Variants in RAB7A observed in about 807,000 individuals in gnomAD.
RAB7A encodes the protein RAB7A, member RAS oncogene family, also known as ras-related protein Rab-7a.
In RAB7A, 2 loss-of-function variants were observed where a neutral mutation model predicts 24.5. That is an observed-to-expected ratio of 0.08 (90% confidence interval 0.03 to 0.26). The LOEUF is 0.26. Ranked by LOEUF, RAB7A falls within the 10% of genes least tolerant of loss-of-function variation. The probability of loss-of-function intolerance (pLI) is 1.00; values close to 1 mark genes in which losing one functional copy is unlikely to be tolerated. For missense variants in RAB7A, 118 were observed against 255.7 expected, an observed-to-expected ratio of 0.46 and a Z score of 3.67; for synonymous variants, 100 against 95.9, an observed-to-expected ratio of 1.04 and a Z score of -0.25.
chr3:128,767,193 T>C (rs2070840626), intron 1 of RAB7A, among the ~76,000 whole-genome samples: 1 of 152,216 alleles, frequency 6.6e-6, no homozygotes, highest in Non-Finnish European at 1.5e-5. Context: ...TGTTTGCAAC[T>C]AGTCTCCTGA....
Position 128,766,605 on chromosome 3 carries a change from A to G in RAB7A, c.-8-28755A>G, listed in dbSNP as rs561519390. ...TCGACACTGGCAGAGCAGATCCCAT[A>G]GGAATGGTCATACATTTTGGTTGGT... is the stretch of plus-strand genomic sequence containing the variant. On this transcript the variant is annotated intron_variant, in intron 1 of 5. Transcript: ENST00000265062. Among the ~76,000 whole-genome samples, 12 of 152,348 alleles carry G rather than the reference A, an allele frequency of 7.9e-5. No individual in the cohort carries two copies. In the South Asian group the frequency reaches 1.2e-3, roughly 16 times the overall value.
intron 1 of RAB7A, among the ~76,000 whole-genome samples, chr3:128,727,320 A>G (rs2070390623): frequency 6.6e-6 from 1 of 152,210 alleles, no homozygotes; most frequent in East Asian, 1.9e-4. Flanking sequence ...GCAGAGATGC[A>G]AGCCCAGGCA....
intron 1 of RAB7A, among the ~76,000 whole-genome samples, chr3:128,759,868 G>A (rs369894296): frequency 1.6e-4 from 25 of 152,124 alleles, no homozygotes; most frequent in East Asian, 1.2e-3. Flanking sequence ...GCACCACCAC[G>A]CCCGGCTAAT....
chr3:128,778,237 T>G (rs1336938144), intron 1 of RAB7A, among the ~76,000 whole-genome samples: 1 of 152,222 alleles, frequency 6.6e-6, no homozygotes, highest in Non-Finnish European at 1.5e-5. Flanking sequence ...CAATTTCCTT[T>G]AAATAGCCAC....
chr3:128,802,597 G>A (rs534606291), intron 3 of RAB7A, among the ~76,000 whole-genome samples: 2 of 146,164 alleles, frequency 1.4e-5, no homozygotes, highest in South Asian at 2.2e-4. Flanking sequence ...TGCAACCTCC[G>A]CCTCCTGGGT....
intron 2 of RAB7A, 75 bp from the exon 3 acceptor site, chr3:128,797,868 A>C: frequency 6.4e-7 from 1 of 1,552,872 alleles, no homozygotes; most frequent in Non-Finnish European, 8.9e-7. Flanking sequence ...GATTCTTTTA[A>C]ATGCTTCAAG....
At chr3:128,776,328 G>C (rs1933085740) in intron 1 of RAB7A, among the ~76,000 whole-genome samples, 1 of 151,758 alleles carries the variant, frequency 6.6e-6, no homozygotes, top group Non-Finnish European at 1.5e-5. Context: ...GGAGTACAGT[G>C]GTGCGAACAC....
At chr3:128,746,983 T>C (rs759445288) in intron 1 of RAB7A, among the ~76,000 whole-genome samples, 7 of 151,862 alleles carry the variant, frequency 4.6e-5, no homozygotes, top group Non-Finnish European at 8.8e-5. Flanking sequence ...TATACAATTA[T>C]GATTTGGTAA....
At chr3:128,756,484 ACAAAACATTG>A (rs2070730481) in intron 1 of RAB7A, among the ~76,000 whole-genome samples, 1 of 152,218 alleles carries the variant, frequency 6.6e-6, no homozygotes, top group South Asian at 2.1e-4. Context: ...ATAGAAAGCT[ACAAAACATTG>A]CAAAAAGAAA....
intron 1 of RAB7A, among the ~76,000 whole-genome samples, chr3:128,758,373 C>T (rs139894849): frequency 0.012 from 1,796 of 150,988 alleles, 32 homozygotes; most frequent in African/African-American, 0.039. Flanking sequence ...TCCAGGTTCA[C>T]GCCATTCTCC....
chr3:128,741,332 C>G (rs917694523), intron 1 of RAB7A, among the ~76,000 whole-genome samples: 7 of 152,048 alleles, frequency 4.6e-5, no homozygotes, highest in African/African-American at 1.7e-4. Flanking sequence ...TTCTGTGTTT[C>G]ATATTATGCT....
chr3:128,756,880 GT>G (rs2070733745), intron 1 of RAB7A, among the ~76,000 whole-genome samples: 1 of 147,372 alleles, frequency 6.8e-6, no homozygotes, highest in African/African-American at 2.5e-5. Context: ...GTTGCGCTCT[GT>G]CACCCACGCT....
chr3:128,753,852 T>C (rs960669385), intron 1 of RAB7A, among the ~76,000 whole-genome samples: 1 of 152,172 alleles, frequency 6.6e-6, no homozygotes, highest in African/African-American at 2.4e-5. Flanking sequence ...TTGCCCAGGC[T>C]GGTGTCAAAT....
chr3:128,744,527 A>G (rs998392319), intron 1 of RAB7A, among the ~76,000 whole-genome samples: 1 of 152,228 alleles, frequency 6.6e-6, no homozygotes, highest in East Asian at 1.9e-4. Context: ...ATCACAGTGG[A>G]AAGGCCACAC....
intron 1 of RAB7A, among the ~76,000 whole-genome samples, chr3:128,775,242 G>A (rs7644292): frequency 0.012 from 1,816 of 152,308 alleles, 33 homozygotes; most frequent in African/African-American, 0.039. Flanking sequence ...CACAGCTTGT[G>A]TTCAGATGGG....
At chr3:128,764,728 C>T (rs2070811808) in intron 1 of RAB7A, 4 of 800,196 alleles carry the variant, frequency 5.0e-6, no homozygotes, top group Admixed American at 3.4e-5. Flanking sequence ...TGCATTCAGC[C>T]CACTCTCCCA....
intron 1 of RAB7A, among the ~76,000 whole-genome samples, chr3:128,782,964 C>T (rs1933252325): frequency 6.6e-6 from 1 of 152,162 alleles, no homozygotes; most frequent in Non-Finnish European, 1.5e-5. Context: ...AAGAGAGTGT[C>T]TTGTGCTAAG....
At chr3:128,791,603 G>A (rs1179769251) in intron 1 of RAB7A, among the ~76,000 whole-genome samples, 1 of 152,212 alleles carries the variant, frequency 6.6e-6, no homozygotes, top group African/African-American at 2.4e-5. Flanking sequence ...TTCTGGGCAT[G>A]GTCCTTGTGG....
intron 1 of RAB7A, among the ~76,000 whole-genome samples, chr3:128,760,378 T>C (rs2107595872): frequency 6.6e-6 from 1 of 152,308 alleles, no homozygotes; most frequent in South Asian, 2.1e-4. Flanking sequence ...TTGTAATAAC[T>C]GTCTTTATGT....
Sources: allele counts gnomAD v4.1 joint callset (sites outside exome capture counted in the v4.1 genomes callset), GRCh38; gene constraint gnomAD v4.1.1; transcripts MANE v1.5; gene names NCBI Gene and HGNC (gene_info 2026-07-23, HGNC 2026-07-21).